LITAF: variants seen among roughly 807,000 people sequenced by gnomAD.
LITAF encodes lipopolysaccharide-induced tumor necrosis factor-alpha factor.
LITAF carries 9 observed loss-of-function variants against 14.5 expected under a neutral mutation model. That is an observed-to-expected ratio of 0.62 (90% CI 0.37 to 1.08). LITAF has a LOEUF of 1.08. Ranked by LOEUF, LITAF falls within the 50% of genes least tolerant of loss-of-function variation. The pLI, the probability that LITAF is intolerant of heterozygous loss-of-function variation, is 0.01. For synonymous variants in LITAF, 98 were observed against 88.2 expected (o/e 1.11, Z -0.62); for missense variants, 206 against 213.4 (o/e 0.97, Z 0.22).
At chr16:11,588,076 T>C (rs1323879922), upstream of LITAF, among the ~76,000 whole-genome samples, 1 of 152,108 alleles carries the variant, frequency 6.6e-6, no homozygotes, top group Non-Finnish European at 1.5e-5. Flanking sequence ...CCTTGCGCCA[T>C]GTCCACTGAC....
chr16:11,604,048 G>A (rs903148633), intron 3 of LITAF, among the ~76,000 whole-genome samples: 4 of 152,098 alleles, frequency 2.6e-5, no homozygotes, highest in Non-Finnish European at 5.9e-5. Flanking sequence ...CTCCACTAGA[G>A]GCTGGGCGTG....
upstream of LITAF, among the ~76,000 whole-genome samples, chr16:11,590,454 T>G (rs1349102105): frequency 1.7e-5 from 2 of 117,496 alleles, 1 homozygote; most frequent in African/African-American, 8.1e-5. Flanking sequence ...TTACAACCAT[T>G]CTGTTTTTAA....
At chr16:11,628,210 A>G (rs573407559) in intron 3 of LITAF, among the ~76,000 whole-genome samples, 13 of 152,268 alleles carry the variant, frequency 8.5e-5, no homozygotes, top group African/African-American at 2.9e-4. Context: ...CCCAACAGCC[A>G]TGACTCATCC....
chr16:11,551,621 G>C (rs1427299445), intron 3 of LITAF: 1 of 532,142 alleles, frequency 1.9e-6, no homozygotes, highest in East Asian at 3.3e-5. Flanking sequence ...AGGAGTTCAA[G>C]ACCAGCCTGG....
At chr16:11,603,684 T>C (rs1326068509) in intron 3 of LITAF, among the ~76,000 whole-genome samples, 1 of 152,168 alleles carries the variant, frequency 6.6e-6, no homozygotes, top group African/African-American at 2.4e-5. Context: ...TCAGCAGGCA[T>C]GCAATTGTGT....
At chr16:11,583,903 G>C (rs2064773506) in intron 1 of LITAF, among the ~76,000 whole-genome samples, 2 of 152,138 alleles carry the variant, frequency 1.3e-5, no homozygotes, top group South Asian at 4.1e-4. Context: ...CATGCCTTAA[G>C]CTCTATGAAA....
intron 1 of LITAF, among the ~76,000 whole-genome samples, chr16:11,576,722 G>A (rs1016101823): frequency 1.4e-4 from 22 of 152,142 alleles, no homozygotes; most frequent in Non-Finnish European, 1.5e-5. Context: ...GACACCAGCA[G>A]AACCCAGCGT....
At chr16:11,561,259 G>A (rs1356085605) in intron 1 of LITAF, 2 of 152,248 alleles carry the variant, frequency 1.3e-5, no homozygotes, top group South Asian at 2.1e-4. Flanking sequence ...ACCTCCAAGA[G>A]GCAATGGCTG....
chr16:11,623,891 C>T (rs1447847999), intron 3 of LITAF, among the ~76,000 whole-genome samples: 4 of 152,006 alleles, frequency 2.6e-5, no homozygotes, highest in South Asian at 2.1e-4. Flanking sequence ...CTCTTGAGCC[C>T]GGGAGGCAGA....
rs1453971449 is a variant in LITAF at position 11,605,525 on chromosome 16, C to T, written c.85+28008G>A. 2.0e-5 allele frequency among the ~76,000 whole-genome samples: 3 copies of T among 151,206 alleles called. No homozygotes were observed. The highest frequency in any genetic ancestry group is 4.4e-5 in the Non-Finnish European group (3 of 67,904). On this transcript the variant is annotated intron_variant, in intron 3 of 3. Coordinates refer to the LITAF transcript ENST00000574848. The surrounding 1 kb of genome is among the most constrained non-coding windows in gnomAD (Gnocchi z 4.7). ...AGGAGGGAGACTCCTAGGCAGGGGC[C>T]GCAAGGAAGGAAGGGAAGAAAAGGA...
chr16:11,612,402 T>G (rs984133928), intron 3 of LITAF, among the ~76,000 whole-genome samples: 25 of 152,198 alleles, frequency 1.6e-4, no homozygotes, highest in African/African-American at 4.6e-4. Flanking sequence ...TCTCCCTCCC[T>G]GGCTTGGCCT....
chr16:11,592,706 C>T (rs4781122), intron 1 of LITAF, among the ~76,000 whole-genome samples: 63,911 of 151,868 alleles, frequency 0.42, 14,562 homozygotes, highest in African/African-American at 0.6. Flanking sequence ...AAAACCACAA[C>T]GAGATACCTC....
rs57661522 is a variant in LITAF, at chr16:11,564,565, AT to A, written c.-5-7831del. On this transcript the variant is annotated intron_variant, in intron 1 of 3. Transcript: ENST00000622633. ...TACAGTGTTCTAGATAGAATCTTGA[AT>A]TTTTTTTTTTTAATGGGGAGATTGC... 3.0e-3 allele frequency among the ~76,000 whole-genome samples: 424 copies of A among 142,634 alleles called. 6 individuals are homozygous for A. Among genetic ancestry groups the A allele is most frequent in the African/African-American group, 9.6e-3 (370 of 38,512 alleles). 93.6% of individuals were successfully genotyped at this position (142,634 alleles called of 152,430 possible). A position where few individuals can be genotyped will look rare whatever the true frequency, so the allele number is the denominator to read the frequency against.
chr16:11,617,028 T>C (rs577580709), intron 3 of LITAF, among the ~76,000 whole-genome samples: 3 of 151,636 alleles, frequency 2.0e-5, no homozygotes, highest in East Asian at 3.9e-4. Flanking sequence ...GAGACCAGCC[T>C]GGTCAACATG....
intron 1 of LITAF, among the ~76,000 whole-genome samples, chr16:11,597,861 C>G (rs2064900316): frequency 6.6e-6 from 1 of 152,168 alleles, no homozygotes; most frequent in South Asian, 2.1e-4. Context: ...AGCTAAAGGC[C>G]CCACAGCCAG....
intron 1 of LITAF, among the ~76,000 whole-genome samples, chr16:11,593,128 G>A (rs536676924): frequency 2.0e-4 from 31 of 152,048 alleles, no homozygotes; most frequent in African/African-American, 7.2e-4. Flanking sequence ...CGGAGATTGC[G>A]CCACTGCACT....
chr16:11,619,474 G>A (rs958823563), intron 3 of LITAF, among the ~76,000 whole-genome samples: 2 of 152,320 alleles, frequency 1.3e-5, no homozygotes, highest in Admixed American at 1.3e-4. Context: ...GCCCTCTTCA[G>A]GGGTCATGCA....
intron 3 of LITAF, among the ~76,000 whole-genome samples, chr16:11,551,234 G>A (rs1195285298): frequency 6.6e-6 from 1 of 152,162 alleles, no homozygotes; most frequent in Non-Finnish European, 1.5e-5. Flanking sequence ...GCTTTCCAGA[G>A]CTCAAATAAG....
chr16:11,585,749 A>C (rs1179031792), intron 1 of LITAF, among the ~76,000 whole-genome samples: 2 of 152,302 alleles, frequency 1.3e-5, no homozygotes, highest in East Asian at 3.9e-4. Flanking sequence ...ACAGTCTTTG[A>C]ACCAGCACCA....
Sources: allele counts gnomAD v4.1 joint callset (sites outside exome capture counted in the v4.1 genomes callset), GRCh38; gene constraint gnomAD v4.1.1; non-coding constraint Gnocchi (gnomAD v3.1); transcripts MANE v1.5; gene names NCBI Gene and HGNC (gene_info 2026-07-23, HGNC 2026-07-21).